The following TCF7L2 variants were observed in gnomAD, a reference collection of about 807,000 sequenced individuals.
The protein encoded by TCF7L2 is transcription factor 7-like 2.
TCF7L2 carries 23 observed loss-of-function variants against 77.9 expected under a neutral mutation model. The ratio of observed to expected loss-of-function variants is 0.30; its 90% confidence interval spans 0.21 to 0.42. TCF7L2 has a LOEUF of 0.42. TCF7L2 is among the 10% of genes least tolerant of loss of function. TCF7L2 has a pLI of 1.00. For synonymous variants in TCF7L2, 413 were observed against 340.2 expected (o/e 1.21, Z -2.36); for missense variants, 654 against 793.1 (o/e 0.82, Z 2.11).
intron 5 of TCF7L2, among the ~76,000 whole-genome samples, chr10:113,124,434 T>C (rs913008928): frequency 6.6e-6 from 1 of 152,154 alleles, no homozygotes. Context: ...ATCACATCTG[T>C]CATTTTATCC....
chr10:113,143,037 G>A (rs886156433), intron 6 of TCF7L2, among the ~76,000 whole-genome samples: 1 of 152,206 alleles, frequency 6.6e-6, no homozygotes, highest in Non-Finnish European at 1.5e-5. Context: ...CATGCAGCCC[G>A]TTCCCTCCAT....
At chr10:113,070,591 G>A (rs556636546) in intron 5 of TCF7L2, among the ~76,000 whole-genome samples, 2 of 152,014 alleles carry the variant, frequency 1.3e-5, no homozygotes, top group African/African-American at 2.4e-5. Context: ...CTTAATCCTC[G>A]TGACATTTTG....
chr10:113,028,995 G>T (rs1215962174), intron 4 of TCF7L2, among the ~76,000 whole-genome samples: 3 of 152,194 alleles, frequency 2.0e-5, no homozygotes, highest in Non-Finnish European at 4.4e-5. Context: ...GTGGGAAGAA[G>T]AAATAGCAAA....
chr10:113,135,768 T>A (rs2067299986), intron 5 of TCF7L2, among the ~76,000 whole-genome samples: 1 of 152,228 alleles, frequency 6.6e-6, no homozygotes, highest in Admixed American at 6.5e-5. Context: ...CTAAAAATAT[T>A]CAATGCCCTG....
At chr10:113,086,013 G>A (rs1163019965) in intron 5 of TCF7L2, among the ~76,000 whole-genome samples, 1 of 152,230 alleles carries the variant, frequency 6.6e-6, no homozygotes, top group South Asian at 2.1e-4. Context: ...CAGCAGGTGG[G>A]TGGTGGCTGA....
intron 4 of TCF7L2, among the ~76,000 whole-genome samples, chr10:113,027,020 A>T (rs1377437439): frequency 6.6e-6 from 1 of 152,224 alleles, no homozygotes; most frequent in Non-Finnish European, 1.5e-5. Flanking sequence ...TGGGTTAGAG[A>T]GGCATAGTGG....
At chr10:113,154,871 AAC>A (rs1036282689) in intron 11 of TCF7L2, among the ~76,000 whole-genome samples, 9 of 152,184 alleles carry the variant, frequency 5.9e-5, no homozygotes, top group Non-Finnish European at 8.8e-5. Flanking sequence ...CATGGGTGTG[AAC>A]ACACACACTC....
intron 5 of TCF7L2, among the ~76,000 whole-genome samples, chr10:113,077,015 C>A (rs1331078254): frequency 6.6e-6 from 1 of 152,166 alleles, no homozygotes; most frequent in African/African-American, 2.4e-5. Context: ...TATGATCCAC[C>A]TACAGAACAT....
chr10:113,089,300 G>A, intron 5 of TCF7L2: 1 of 1,326,492 alleles, frequency 7.5e-7, no homozygotes. Context: ...ATAGAAATGT[G>A]GGTTAGGGCA....
intron 4 of TCF7L2, among the ~76,000 whole-genome samples, chr10:112,965,576 G>A (rs1210185964): frequency 6.6e-6 from 1 of 151,952 alleles, no homozygotes; most frequent in African/African-American, 2.4e-5. Flanking sequence ...GTTATTCCAT[G>A]ACTTCTTTTC....
At chr10:113,000,425 T>C (rs761178246) in intron 4 of TCF7L2, among the ~76,000 whole-genome samples, 1 of 152,108 alleles carries the variant, frequency 6.6e-6, no homozygotes, top group African/African-American at 2.4e-5. Context: ...ACAAGTACAG[T>C]TGTACAACTG....
chr10:112,972,170 C>A (rs983152529), intron 4 of TCF7L2, among the ~76,000 whole-genome samples: 1 of 152,032 alleles, frequency 6.6e-6, no homozygotes, highest in Non-Finnish European at 1.5e-5. Flanking sequence ...TTTTCACTAG[C>A]CAAATAAAAA....
chr10:113,117,561 G>C (rs1041517185), intron 5 of TCF7L2, among the ~76,000 whole-genome samples: 1 of 152,038 alleles, frequency 6.6e-6, no homozygotes, highest in Non-Finnish European at 1.5e-5. Flanking sequence ...GCTAGGAGAA[G>C]GCAAGGTATT....
rs1378340664 is a variant in TCF7L2 at position 113,166,792 on chromosome 10, T to C, written c.*820T>C. 1 of 228,436 alleles carries C rather than the reference T, an allele frequency of 4.4e-6. No individual in the cohort carries two copies. Among genetic ancestry groups the C allele is most frequent in the African/African-American group, 2.2e-5 (1 of 45,082 alleles). The allele number at this position is 228,436 out of a possible 1,614,324, so 14.2% of individuals were successfully genotyped here. A position where few individuals can be genotyped will look rare whatever the true frequency, so the allele number is the denominator to read the frequency against. On this transcript the variant is annotated 3_prime_UTR_variant, in exon 14 of 14. Coordinates refer to ENST00000627217, the MANE Select transcript of TCF7L2 (RefSeq NM_001146274.2). ...GGTTTTTAAGTTTATATATAAAATG[T>C]GTATATATATTTTTGTTTCCCCTTT...
Position 113,083,023 on chromosome 10 carries a change from G to A in TCF7L2, c.552+42897G>A, listed in dbSNP as rs116641020. On this transcript the variant is annotated intron_variant, in intron 5 of 13. Transcript: ENST00000627217. ...AGTGGTCTCTTTCTATGCTCATTCT[G>A]TTTTGCCTTCTGTTTGGAGCCTTGT... Among the ~76,000 whole-genome samples the A allele has an allele frequency of 1.5e-3, 232 of 152,194 alleles. 1 individual carries two copies. The highest frequency in any genetic ancestry group is 5.3e-3 in the African/African-American group (222 of 41,538).
intron 4 of TCF7L2, among the ~76,000 whole-genome samples, chr10:113,017,275 C>G (rs970148824): frequency 1.3e-5 from 2 of 152,218 alleles, no homozygotes; most frequent in African/African-American, 4.8e-5. Flanking sequence ...AGACTTTTCT[C>G]ATTGATTTCC....
chr10:113,045,224 G>A (rs1038435461), intron 5 of TCF7L2, among the ~76,000 whole-genome samples: 1 of 152,142 alleles, frequency 6.6e-6, no homozygotes, highest in African/African-American at 2.4e-5. Context: ...AATGAAGAAC[G>A]ATAACAGCAA....
At chr10:112,982,937 T>C (rs1005352665) in intron 4 of TCF7L2, among the ~76,000 whole-genome samples, 1 of 151,882 alleles carries the variant, frequency 6.6e-6, no homozygotes, top group Non-Finnish European at 1.5e-5. Context: ...AGAATACCCT[T>C]TGAAGAGAGT....
chr10:113,138,384 C>A (rs913515253), intron 5 of TCF7L2, among the ~76,000 whole-genome samples: 1 of 152,012 alleles, frequency 6.6e-6, no homozygotes, highest in Non-Finnish European at 1.5e-5. Flanking sequence ...TTGTTGGAAT[C>A]GCCTTCATAT....
Sources: allele counts gnomAD v4.1 joint callset (sites outside exome capture counted in the v4.1 genomes callset), GRCh38; gene constraint gnomAD v4.1.1; transcripts MANE v1.5; gene names NCBI Gene and HGNC (gene_info 2026-07-23, HGNC 2026-07-21).